Variants in KLHL8 observed in about 807,000 individuals in gnomAD.
KLHL8 encodes the protein kelch-like protein 8.
Under a neutral mutation model 63.5 loss-of-function variants are expected in KLHL8, and 38 were observed. The ratio of observed to expected loss-of-function variants is 0.60; its 90% CI spans 0.46 to 0.78. The LOEUF (loss-of-function observed/expected upper bound fraction) is 0.78, where lower values mean the gene tolerates loss of function less well. Ranked by LOEUF, KLHL8 falls within the 30% of genes least tolerant of loss-of-function variation. The probability of loss-of-function intolerance (pLI) is 0.00; values close to 1 mark genes in which losing one functional copy is unlikely to be tolerated. For missense variants in KLHL8, 566 were observed against 752.4 expected (o/e 0.75, Z 2.90); for synonymous variants, 224 against 254.3 (o/e 0.88, Z 1.13).
At chr4:87,222,849 G>A (rs1451959463), upstream of KLHL8, among the ~76,000 whole-genome samples, 1 of 152,318 alleles carries the variant, frequency 6.6e-6, no homozygotes. Flanking sequence ...CTCCCAAAGT[G>A]CTGGGATTAC....
intron 2 of KLHL8, 152 bp downstream of exon 2, chr4:87,195,172 C>T: frequency 1.6e-6 from 1 of 612,054 alleles, no homozygotes; most frequent in East Asian, 2.8e-5. Context: ...TATGTCCTTT[C>T]TCCTACACTA....
chr4:87,236,601 C>A (rs1733234565), intron 1 of KLHL8, among the ~76,000 whole-genome samples: 1 of 151,270 alleles, frequency 6.6e-6, no homozygotes, highest in Non-Finnish European at 1.5e-5. Context: ...AATTTCATTA[C>A]AGCCCAGACT....
Position 87,163,506 on chromosome 4 carries a change from G to T in KLHL8, c.*13C>A. 6.2e-7 allele frequency: 1 copy of T among 1,613,276 alleles called. No individual in the cohort carries two copies. The highest frequency in any genetic ancestry group is 8.5e-7 in the Non-Finnish European group (1 of 1,179,694). On this transcript the variant is annotated 3_prime_UTR_variant, in exon 10 of 10. Coordinates refer to ENST00000273963, the MANE Select transcript of KLHL8 (RefSeq NM_020803.5). ...ATCAGATATGACTAAATTGTTGGTG[G>T]CCAGAACTCAAATCACATACAGTCA...
intron 1 of KLHL8, among the ~76,000 whole-genome samples, chr4:87,216,178 T>C (rs1202953387): frequency 6.6e-6 from 1 of 152,182 alleles, no homozygotes; most frequent in African/African-American, 2.4e-5. Context: ...GAGTAGACAA[T>C]ACCTGCCTAA....
upstream of KLHL8, among the ~76,000 whole-genome samples, chr4:87,225,212 T>C (rs1732951603): frequency 1.3e-5 from 2 of 152,110 alleles, no homozygotes; most frequent in African/African-American, 4.8e-5. Flanking sequence ...ACTTTTTAAT[T>C]AGGAAACCTT....
At chr4:87,203,728 A>C (rs1175729437) in intron 1 of KLHL8, among the ~76,000 whole-genome samples, 1 of 151,180 alleles carries the variant, frequency 6.6e-6, no homozygotes, top group Non-Finnish European at 1.5e-5. Context: ...TGAAGAAAAC[A>C]CAGAAAAACT....
chr4:87,208,291 AAAACAAACAAACAAAC>A (rs61613935), intron 1 of KLHL8, among the ~76,000 whole-genome samples: 1 of 152,038 alleles, frequency 6.6e-6, no homozygotes, highest in Non-Finnish European at 1.5e-5. Context: ...TGCTTAGCCA[AAAACAAACAAACAAAC>A]AAACAAACAA....
chr4:87,201,533 G>T (rs1277747514), intron 1 of KLHL8, among the ~76,000 whole-genome samples: 1 of 152,134 alleles, frequency 6.6e-6, no homozygotes, highest in Non-Finnish European at 1.5e-5. Context: ...TAACCAACTG[G>T]ATTTCATGGG....
At chr4:87,165,560 ATT>A (rs774095649) in intron 8 of KLHL8, among the ~76,000 whole-genome samples, 3 of 142,442 alleles carry the variant, frequency 2.1e-5, no homozygotes, top group Non-Finnish European at 4.6e-5. Context: ...CTCCTGGCTA[ATT>A]TTTTTTTTTT....
intron 1 of KLHL8, among the ~76,000 whole-genome samples, chr4:87,198,700 A>G (rs1731794899): frequency 6.6e-6 from 1 of 152,238 alleles, no homozygotes; most frequent in South Asian, 2.1e-4. Flanking sequence ...GAGTAGCACA[A>G]GAGATACTTG....
intron 2 of KLHL8, among the ~76,000 whole-genome samples, chr4:87,186,845 T>A (rs1731277799): frequency 6.6e-6 from 1 of 152,156 alleles, no homozygotes; most frequent in Non-Finnish European, 1.5e-5. Context: ...ACTATTATTA[T>A]CCACAATTTA....
In KLHL8 at chr4:87,210,459, C is replaced by T. The variant is rs554601459; in HGVS notation, c.-152+9959G>A. Among the ~76,000 whole-genome samples the T allele has an allele frequency of 1.1e-3, 161 of 151,824 alleles. 2 individuals carry two copies. Among genetic ancestry groups the T allele is most frequent in the African/African-American group, 3.7e-3 (155 of 41,424 alleles). ...TCACACCACTGCACTCCAGCCTGGGCGACAGAGCGAGACTCCATCTCAATA... is the reference window on the plus strand; with the variant it reads ...TCACACCACTGCACTCCAGCCTGGGTGACAGAGCGAGACTCCATCTCAATA... On this transcript the variant is annotated intron_variant, in intron 1 of 9. Transcript: ENST00000273963.
At chr4:87,233,497 CG>C (rs1198117968) in intron 1 of KLHL8, among the ~76,000 whole-genome samples, 1 of 151,958 alleles carries the variant, frequency 6.6e-6, no homozygotes, top group Non-Finnish European at 1.5e-5. Flanking sequence ...GGCTTGAATC[CG>C]GGAGGCAGAG....
rs1730126431 is a variant in KLHL8, at chr4:87,160,744, ATATT to A, written c.*2771_*2774del. 2 of 152,232 alleles carry A rather than the reference ATATT, an allele frequency of 1.3e-5. No individual in the cohort carries two copies. The highest frequency in any genetic ancestry group is 4.1e-4 in the South Asian group (2 of 4,836). 9.4% of individuals were successfully genotyped at this position (152,232 alleles called of 1,614,324 possible). A position where few individuals can be genotyped will look rare whatever the true frequency, so the allele number is the denominator to read the frequency against. On this transcript the variant is annotated 3_prime_UTR_variant, in exon 10 of 10. Transcript: ENST00000273963. ...TGAAAGAATCACAAAGCACCTAGAA[ATATT>A]TATTGAAGAAATAATAAACAAATTT... is the stretch of plus-strand genomic sequence containing the variant.
chr4:87,218,977 T>TC (rs1214910238), intron 1 of KLHL8, among the ~76,000 whole-genome samples: 3 of 151,598 alleles, frequency 2.0e-5, no homozygotes, highest in Non-Finnish European at 4.4e-5. Flanking sequence ...CCTCAAGTGA[T>TC]CCCCCCGCCT....
chr4:87,207,525 C>T, intron 1 of KLHL8: 1 of 901,938 alleles, frequency 1.1e-6, no homozygotes, highest in Non-Finnish European at 1.8e-6. Context: ...TCAAGATCAT[C>T]AGCAATGCCT....
At chr4:87,210,305 G>A (rs952499181) in intron 1 of KLHL8, among the ~76,000 whole-genome samples, 1 of 151,998 alleles carries the variant, frequency 6.6e-6, no homozygotes, top group Non-Finnish European at 1.5e-5. Flanking sequence ...CGGTGAAACC[G>A]TCTCTACTAA....
chr4:87,225,822 T>C (rs1732962988), intron 1 of KLHL8, among the ~76,000 whole-genome samples: 1 of 152,232 alleles, frequency 6.6e-6, no homozygotes, highest in African/African-American at 2.4e-5. Flanking sequence ...TTACTAGTGC[T>C]GGTGACTTTT....
At chr4:87,171,928 A>T (rs6419118) in intron 6 of KLHL8, among the ~76,000 whole-genome samples, 1 of 152,196 alleles carries the variant, frequency 6.6e-6, no homozygotes, top group Admixed American at 6.5e-5. Flanking sequence ...TACCTCAAAT[A>T]TGTCTTGCTG....
Sources: allele counts gnomAD v4.1 joint callset (sites outside exome capture counted in the v4.1 genomes callset), GRCh38; gene constraint gnomAD v4.1.1; transcripts MANE v1.5; gene names NCBI Gene and HGNC (gene_info 2026-07-23, HGNC 2026-07-21).